The following TTC29 variants were observed in gnomAD, a reference collection of about 807,000 sequenced individuals.
TTC29 encodes the protein tetratricopeptide repeat protein 29.
TTC29 carries 49 observed loss-of-function variants against 58.1 expected under a neutral mutation model. That is an observed-to-expected ratio of 0.84 (90% CI 0.67 to 1.07). The LOEUF (loss-of-function observed/expected upper bound fraction) is 1.07, where lower values mean the gene tolerates loss of function less well. TTC29 is among the 50% of genes least tolerant of loss of function. The pLI is 0.00. For synonymous variants in TTC29, 209 were observed against 196.8 expected (o/e 1.06, Z -0.52); for missense variants, 582 against 555.6 (o/e 1.05, Z -0.48).
chr4:146,742,020 T>C (rs1464287989), intron 11 of TTC29, among the ~76,000 whole-genome samples: 1 of 152,144 alleles, frequency 6.6e-6, no homozygotes, highest in Non-Finnish European at 1.5e-5. Flanking sequence ...TATCCCCATA[T>C]TACAGAAGCA....
intron 10 of TTC29, among the ~76,000 whole-genome samples, chr4:146,812,167 T>C (rs998617618): frequency 2.0e-5 from 3 of 152,126 alleles, no homozygotes; most frequent in Non-Finnish European, 4.4e-5. Context: ...TAGATTTTCC[T>C]GGTAGATATA....
chr4:146,847,998 A>G (rs1303643708), intron 8 of TTC29, among the ~76,000 whole-genome samples: 1 of 152,110 alleles, frequency 6.6e-6, no homozygotes, highest in Admixed American at 6.6e-5. Context: ...TTCCTCCCCT[A>G]TGCATTTTTT....
At chr4:146,774,283 T>C (rs1429049723) in intron 11 of TTC29, among the ~76,000 whole-genome samples, 1 of 152,212 alleles carries the variant, frequency 6.6e-6, no homozygotes, top group Non-Finnish European at 1.5e-5. Context: ...TGGGGTTGGT[T>C]TGTTCTTGCT....
chr4:146,728,788 TATATAC>T (rs1384286672), intron 11 of TTC29, among the ~76,000 whole-genome samples: 1 of 133,558 alleles, frequency 7.5e-6, no homozygotes, highest in Non-Finnish European at 1.6e-5. Context: ...TATATGTGTA[TATATAC>T]GTATATATAC....
At chr4:146,927,085 AAAAAAAAAAG>A (rs1041556674) in intron 4 of TTC29, among the ~76,000 whole-genome samples, 3 of 151,664 alleles carry the variant, frequency 2.0e-5, no homozygotes, top group Non-Finnish European at 4.4e-5. Context: ...CATCTCAAAA[AAAAAAAAAAG>A]AAAAAAAAAG....
chr4:146,745,900 C>A lies in TTC29; in HGVS notation c.1331-38349G>T, dbSNP rs114094260. Among the ~76,000 whole-genome samples the A allele has an allele frequency of 8.5e-3, 1,292 of 152,322 alleles. 12 individuals are homozygous for A. Among genetic ancestry groups the A allele is most frequent in the African/African-American group, 0.03 (1,241 of 41,568 alleles). ...TTAGTACTGGCCTCTAGTGCCAACA[C>A]TGAAAGAATGGGCACTGTTATCTCA... On this transcript the variant is annotated intron_variant, in intron 11 of 12. Transcript: ENST00000325106.
In TTC29 at chr4:146,754,428, T is replaced by C. The variant is rs564133359; in HGVS notation, c.1331-46877A>G. Among the ~76,000 whole-genome samples, 9 of 152,084 alleles carry C rather than the reference T, an allele frequency of 5.9e-5. No homozygotes were observed. The East Asian group carries it at 1.4e-3, about 23-fold the overall frequency. On this transcript the variant is annotated intron_variant, in intron 11 of 12. Coordinates refer to ENST00000325106, the MANE Select transcript of TTC29 (RefSeq NM_031956.4). ...CTCTTCTGAACATATTTTAAGAAGA[T>C]AGCATTCCTTTAATACCTAAGCCAA...
At chr4:146,896,730 T>C (rs1025880067) in intron 6 of TTC29, among the ~76,000 whole-genome samples, 2 of 152,266 alleles carry the variant, frequency 1.3e-5, no homozygotes, top group South Asian at 4.1e-4. Flanking sequence ...CAATTTGAGA[T>C]CGTTATTCAA....
intron 5 of TTC29, 90 bp downstream of exon 5, chr4:146,908,936 C>A: frequency 8.8e-7 from 1 of 1,135,812 alleles, no homozygotes; most frequent in South Asian, 1.4e-5. Flanking sequence ...CTTAATGTTT[C>A]AAATTCATAC....
chr4:146,724,664 C>A (rs1280450547), intron 11 of TTC29, among the ~76,000 whole-genome samples: 2 of 152,022 alleles, frequency 1.3e-5, no homozygotes, highest in Non-Finnish European at 2.9e-5. Flanking sequence ...CAGGTGCCCA[C>A]CACCACGCCT....
chr4:146,835,293 C>T (rs1389729678), intron 8 of TTC29, among the ~76,000 whole-genome samples: 3 of 151,994 alleles, frequency 2.0e-5, no homozygotes, highest in Admixed American at 2.0e-4. Flanking sequence ...TTCTTTTCAC[C>T]ATCTTACATA....
At chr4:146,778,099 A>G (rs1579650221) in intron 11 of TTC29, among the ~76,000 whole-genome samples, 1 of 152,244 alleles carries the variant, frequency 6.6e-6, no homozygotes, top group East Asian at 1.9e-4. Flanking sequence ...TTTGGGAGTC[A>G]TTAGTTATAG....
intron 11 of TTC29, among the ~76,000 whole-genome samples, chr4:146,748,699 C>A (rs1260642458): frequency 1.3e-5 from 2 of 152,216 alleles, no homozygotes; most frequent in African/African-American, 4.8e-5. Context: ...CAAGAGTCAT[C>A]ACACCCTGCC....
chr4:146,832,641 T>TTGTGTGTGTGTGTG (rs201136243), intron 9 of TTC29, among the ~76,000 whole-genome samples: 6,294 of 149,206 alleles, frequency 0.042, 246 homozygotes, highest in Admixed American at 0.11. Context: ...CCAACTAATT[T>TTGTGTGTGTGTGTG]TGTGTGTGTG....
At chr4:146,892,132 TGTTCTCATGATAGTGAGTGA>T (rs1291385530) in intron 6 of TTC29, among the ~76,000 whole-genome samples, 7 of 152,162 alleles carry the variant, frequency 4.6e-5, no homozygotes, top group Non-Finnish European at 1.0e-4. Context: ...TCCCCCTTGC[TGTTCTCATGATAGTGAGTGA>T]GTTCTCATGA....
chr4:146,912,270 G>C (rs913620016), intron 4 of TTC29, among the ~76,000 whole-genome samples: 1 of 152,154 alleles, frequency 6.6e-6, no homozygotes, highest in Admixed American at 6.5e-5. Flanking sequence ...ACCCCAGGGG[G>C]TTACCAGATA....
chr4:146,879,155 C>A (rs1731461273), intron 6 of TTC29, among the ~76,000 whole-genome samples: 1 of 152,078 alleles, frequency 6.6e-6, no homozygotes, highest in Non-Finnish European at 1.5e-5. Flanking sequence ...ATCCAAATGA[C>A]CACAAGCACA....
intron 4 of TTC29, among the ~76,000 whole-genome samples, chr4:146,911,796 C>T (rs1220388240): frequency 6.6e-6 from 1 of 152,182 alleles, no homozygotes; most frequent in Admixed American, 6.6e-5. Flanking sequence ...ATTCCTGCAA[C>T]CACTAGCGGA....
At chr4:146,897,374 A>G (rs2150259722) in intron 6 of TTC29, among the ~76,000 whole-genome samples, 1 of 152,256 alleles carries the variant, frequency 6.6e-6, no homozygotes, top group African/African-American at 2.4e-5. Context: ...ATCGTGACCT[A>G]TTGCAAAGGC....
Sources: allele counts gnomAD v4.1 joint callset (sites outside exome capture counted in the v4.1 genomes callset), GRCh38; gene constraint gnomAD v4.1.1; transcripts MANE v1.5; gene names NCBI Gene and HGNC (gene_info 2026-07-23, HGNC 2026-07-21).